Variants in ESR1 observed in about 807,000 individuals in gnomAD.
The protein encoded by ESR1 is estrogen receptor 1.
A neutral mutation model predicts 52.7 loss-of-function variants in ESR1; 12 were observed. The ratio of observed to expected loss-of-function variants is 0.23; its 90% confidence interval spans 0.15 to 0.37. ESR1 has a LOEUF of 0.37. ESR1 is among the 10% of genes least tolerant of loss of function. ESR1 has a pLI of 1.00. For missense variants in ESR1, 584 were observed against 779.7 expected (o/e 0.75, Z 2.99); for synonymous variants, 305 against 316.8 (o/e 0.96, Z 0.39).
intron 1 of ESR1, among the ~76,000 whole-genome samples, chr6:151,819,043 T>C (rs1780133469): frequency 6.6e-6 from 1 of 152,208 alleles, no homozygotes; most frequent in African/African-American, 2.4e-5. Flanking sequence ...TTAAATGGCA[T>C]GTTCCTACTT....
At chr6:152,110,666 C>T (rs556636006) in intron 6 of ESR1, among the ~76,000 whole-genome samples, 2 of 152,268 alleles carry the variant, frequency 1.3e-5, no homozygotes, top group Admixed American at 6.5e-5. Flanking sequence ...CACATGTACT[C>T]CTGAACCCAA....
chr6:152,050,530 A>AAT (rs1174361829), intron 5 of ESR1, among the ~76,000 whole-genome samples: 4 of 152,142 alleles, frequency 2.6e-5, no homozygotes, highest in East Asian at 1.9e-4. Flanking sequence ...TCTAAGAGGA[A>AAT]TGACATTTTT....
In ESR1 at chr6:151,796,736, A is replaced by G. The variant is rs576474542; in HGVS notation, c.-70-11107A>G. On this transcript the variant is annotated intron_variant, in intron 2 of 2. Coordinates refer to the ESR1 transcript ENST00000404742. ...GTGAGGGCTCAGAAGAGAGATCATA[A>G]GTAAAGAACACTAGAAAGGATGTTT... Among the ~76,000 whole-genome samples the G allele has an allele frequency of 3.3e-5, 5 of 152,360 alleles. No individual in the cohort carries two copies. In the South Asian group the frequency reaches 1.0e-3, roughly 32 times the overall value.
chr6:151,821,962 TTAAAGAA>T (rs1780627686), intron 1 of ESR1, among the ~76,000 whole-genome samples: 1 of 152,204 alleles, frequency 6.6e-6, no homozygotes, highest in Non-Finnish European at 1.5e-5. Context: ...GTTACATGTG[TTAAAGAA>T]AGGCATGGCT....
intron 5 of ESR1, among the ~76,000 whole-genome samples, chr6:152,052,624 T>C (rs1250052389): frequency 1.3e-5 from 2 of 151,836 alleles, no homozygotes; most frequent in Non-Finnish European, 2.9e-5. Flanking sequence ...AAGTCTGATA[T>C]AAAGGACAGT....
chr6:151,951,131 G>T (rs1051845145), intron 4 of ESR1, among the ~76,000 whole-genome samples: 1 of 152,058 alleles, frequency 6.6e-6, no homozygotes, highest in Non-Finnish European at 1.5e-5. Flanking sequence ...CCTTGTAAAA[G>T]ATTTTACCCT....
chr6:151,941,676 C>T (rs2035081380), intron 3 of ESR1, among the ~76,000 whole-genome samples: 1 of 152,070 alleles, frequency 6.6e-6, no homozygotes, highest in Non-Finnish European at 1.5e-5. Context: ...GGGAATACCC[C>T]CTTGAAAGTC....
chr6:151,920,921 A>AT lies in ESR1; in HGVS notation c.761-23242dup, dbSNP rs970832787. ...TGGAAGAAGCCATTTTGTGCAGCTC[A>AT]TTTTTTTTTTAATTTTAATTTTAAG... On this transcript the variant is annotated intron_variant, in intron 3 of 7. Transcript: ENST00000206249. Among the ~76,000 whole-genome samples, 336 of 147,762 alleles carry AT rather than the reference A, an allele frequency of 2.3e-3. 1 individual carries two copies. Among genetic ancestry groups the AT allele is most frequent in the African/African-American group, 7.6e-3 (306 of 40,264 alleles).
chr6:151,920,604 A>G (rs2031443487), intron 3 of ESR1, among the ~76,000 whole-genome samples: 1 of 152,106 alleles, frequency 6.6e-6, no homozygotes, highest in Non-Finnish European at 1.5e-5. Flanking sequence ...TGGTTGTGAC[A>G]GTTTCTGAGA....
intron 6 of ESR1, among the ~76,000 whole-genome samples, chr6:152,091,244 T>C (rs1023329085): frequency 2.0e-5 from 3 of 152,234 alleles, no homozygotes; most frequent in African/African-American, 7.2e-5. Flanking sequence ...GCAGCACACA[T>C]GGACCACATT....
chr6:151,842,533 T>C (rs2128233760), intron 1 of ESR1, 64 bp from the exon 2 acceptor site: 2 of 1,360,610 alleles, frequency 1.5e-6, no homozygotes, highest in Non-Finnish European at 2.1e-6. Flanking sequence ...ATCTGCTGCA[T>C]CTCCCAGAGA....
chr6:151,803,955 A>T (rs901707777), upstream of ESR1, among the ~76,000 whole-genome samples: 1 of 152,136 alleles, frequency 6.6e-6, no homozygotes, highest in Non-Finnish European at 1.5e-5. Flanking sequence ...ACCGCTGGAA[A>T]AGTGGGGCTG....
chr6:151,794,708 A>G (rs946523833), intron 2 of ESR1, among the ~76,000 whole-genome samples: 2 of 152,088 alleles, frequency 1.3e-5, no homozygotes, highest in Admixed American at 6.6e-5. Flanking sequence ...ATTTCCAAAA[A>G]CACACTAGAC....
chr6:151,777,119 TTTTC>T (rs746976423), intron 2 of ESR1, among the ~76,000 whole-genome samples: 2,544 of 119,854 alleles, frequency 0.021, 34 homozygotes, highest in Non-Finnish European at 0.033. Flanking sequence ...TTTTCTTTTC[TTTTC>T]TTTTTTTTTT....
At chr6:152,081,013 C>A (rs193228206) in intron 6 of ESR1, among the ~76,000 whole-genome samples, 1 of 152,230 alleles carries the variant, frequency 6.6e-6, no homozygotes, top group East Asian at 1.9e-4. Context: ...GACTCCCACA[C>A]AATAATAATG....
At chr6:151,926,019 T>C (rs903991102) in intron 3 of ESR1, among the ~76,000 whole-genome samples, 2 of 152,206 alleles carry the variant, frequency 1.3e-5, no homozygotes, top group African/African-American at 4.8e-5. Context: ...TCCACATCAA[T>C]GTCCAGTTGC....
intron 2 of ESR1, among the ~76,000 whole-genome samples, chr6:151,776,711 G>T (rs1213127958): frequency 2.6e-5 from 4 of 152,022 alleles, no homozygotes; most frequent in African/African-American, 9.7e-5. Flanking sequence ...GGTGGCGGGT[G>T]CCTGTAATCC....
chr6:152,052,921 C>G (rs902354051), intron 5 of ESR1, among the ~76,000 whole-genome samples: 1 of 152,166 alleles, frequency 6.6e-6, no homozygotes, highest in African/African-American at 2.4e-5. Flanking sequence ...AACCCAAGGA[C>G]ATTGCTAAGG....
chr6:151,751,677 C>CAA (rs1244199074), intron 2 of ESR1, among the ~76,000 whole-genome samples: 1 of 152,098 alleles, frequency 6.6e-6, no homozygotes, highest in Non-Finnish European at 1.5e-5. Context: ...CCAATTTAAA[C>CAA]AAAGTATTTT....
Sources: gnomAD v4.1 joint callset for allele counts (sites outside exome capture counted in the v4.1 genomes callset) on GRCh38, gnomAD v4.1.1 for gene constraint, MANE v1.5 for transcripts, NCBI Gene and HGNC (gene_info 2026-07-23, HGNC 2026-07-21) for gene names.